OPA1: variants seen among roughly 807,000 people sequenced by gnomAD.
The protein encoded by OPA1 is dynamin-like GTPase OPA1, mitochondrial.
Under a neutral mutation model 152.9 loss-of-function variants are expected in OPA1, and 59 were observed. That is an observed-to-expected ratio of 0.39 (90% CI 0.31 to 0.48). The LOEUF (loss-of-function observed/expected upper bound fraction) is 0.48. OPA1 is among the 20% of genes least tolerant of loss of function. The probability of loss-of-function intolerance (pLI) is 0.96; values close to 1 mark genes in which losing one functional copy is unlikely to be tolerated. For synonymous variants in OPA1, 400 were observed against 389.9 expected (o/e 1.03, Z -0.31); for missense variants, 1,008 against 1,216.8 (o/e 0.83, Z 2.55).
At chr3:193,612,268 CTTTTT>C (rs34283831) in intron 1 of OPA1, among the ~76,000 whole-genome samples, 2 of 116,338 alleles carry the variant, frequency 1.7e-5, no homozygotes, top group East Asian at 4.9e-4. Context: ...GTCTAACTTC[CTTTTT>C]TTTTTTTTTT....
chr3:193,632,923 C>T (rs910243332), intron 8 of OPA1, among the ~76,000 whole-genome samples: 18 of 152,096 alleles, frequency 1.2e-4, no homozygotes, highest in African/African-American at 3.6e-4. Context: ...AAAAGTGAAA[C>T]GACTACAAGT....
intron 8 of OPA1, among the ~76,000 whole-genome samples, chr3:193,634,282 C>CAAA (rs34565427): frequency 3.2e-4 from 47 of 148,630 alleles, no homozygotes; most frequent in South Asian, 6.3e-4. Context: ...CAACTACTTA[C>CAAA]AAAAAAAAAA....
At chr3:193,667,301 T>C in intron 29 of OPA1, 21 bp downstream of exon 29, 1 of 1,005,044 alleles carries the variant, frequency 9.9e-7, no homozygotes, top group East Asian at 2.4e-5. Context: ...CTTACTGCCC[T>C]CTACCTTACT....
chr3:193,645,734 G>A lies in OPA1; in HGVS notation c.1688G>A (p.Ser563Asn), dbSNP rs1440774083. The A allele has an allele frequency of 1.9e-6, 3 of 1,613,556 alleles. No individual in the cohort carries two copies. The highest frequency in any genetic ancestry group is 1.3e-5 in the African/African-American group (1 of 75,034). ...GACCATCATTCTTCCCCAGGGAACAGCTCTGAAAGCATTGAAGCTATAAGA... is the reference window on the plus strand; with the variant it reads ...GACCATCATTCTTCCCCAGGGAACAACTCTGAAAGCATTGAAGCTATAAGA... ...YFAVVTGKGN[S>N]SESIEAIREY... The change falls in exon 18 of 31, where the codon AGC becomes AAC. Residue 563 changes from serine to asparagine, a missense_variant. Ser to Asn is a conservative substitution (Grantham distance 46). Around this residue, in one of 7 missense-constraint regions of OPA1, gnomAD observed 213 missense variants for 291.4 expected, o/e 0.73. Coordinates refer to ENST00000361510, the MANE Select transcript of OPA1 (RefSeq NM_130837.3).
intron 1 of OPA1, among the ~76,000 whole-genome samples, chr3:193,613,004 G>C (rs1217102589): frequency 6.6e-6 from 1 of 152,196 alleles, no homozygotes; most frequent in Non-Finnish European, 1.5e-5. Context: ...AGGTCACCTG[G>C]TGTTCCAGGG....
intron 1 of OPA1, among the ~76,000 whole-genome samples, chr3:193,601,165 T>C (rs1452008164): frequency 1.3e-5 from 2 of 152,124 alleles, no homozygotes; most frequent in East Asian, 3.8e-4. Context: ...TTTCCCAATA[T>C]ACAAATTAGT....
chr3:193,618,543 C>T, intron 5 of OPA1: 1 of 273,374 alleles, frequency 3.7e-6, no homozygotes, highest in South Asian at 4.8e-5. Flanking sequence ...TCTGTAATGC[C>T]AGTGGTATGT....
chr3:193,688,844 G>C (rs1168257724), intron 29 of OPA1, among the ~76,000 whole-genome samples: 1 of 152,092 alleles, frequency 6.6e-6, no homozygotes, highest in Non-Finnish European at 1.5e-5. Context: ...AAATTAGCCA[G>C]GTGTGGTGCT....
chr3:193,614,215 G>A (rs1728684157), intron 1 of OPA1, among the ~76,000 whole-genome samples: 1 of 152,234 alleles, frequency 6.6e-6, no homozygotes, highest in African/African-American at 2.4e-5. Context: ...GGGAGACATA[G>A]ATGAAGGTGT....
chr3:193,665,524 A>G (rs1716331330), intron 27 of OPA1, among the ~76,000 whole-genome samples: 1 of 152,150 alleles, frequency 6.6e-6, no homozygotes, highest in Non-Finnish European at 1.5e-5. Flanking sequence ...AAATAATCAT[A>G]AAGTTCTTGT....
At chr3:193,616,518 C>T (rs1729033263) in intron 3 of OPA1, among the ~76,000 whole-genome samples, 1 of 152,112 alleles carries the variant, frequency 6.6e-6, no homozygotes, top group South Asian at 2.1e-4. Flanking sequence ...TTGCCCAGAG[C>T]ATATTTATTG....
intron 29 of OPA1, among the ~76,000 whole-genome samples, chr3:193,682,577 A>G (rs535497147): frequency 3.1e-4 from 47 of 152,324 alleles, no homozygotes; most frequent in Middle Eastern, 6.8e-3. Context: ...CCAATGCAGC[A>G]GGTGCCTTTA....
At chr3:193,625,999 T>G (rs1577194223) in intron 6 of OPA1, 93 bp from the exon 7 acceptor site, 2 of 930,706 alleles carry the variant, frequency 2.1e-6, no homozygotes, top group East Asian at 4.8e-5. Flanking sequence ...TAACCATCCC[T>G]CCCTAGCTTA....
intron 1 of OPA1, among the ~76,000 whole-genome samples, chr3:193,596,082 C>A (rs999305593): frequency 2.0e-5 from 3 of 152,004 alleles, no homozygotes; most frequent in African/African-American, 7.2e-5. Context: ...TCCTGAATCC[C>A]AGTAGATCCT....
At chr3:193,610,534 G>A (rs1375786587) in intron 1 of OPA1, among the ~76,000 whole-genome samples, 1 of 152,220 alleles carries the variant, frequency 6.6e-6, no homozygotes, top group African/African-American at 2.4e-5. Flanking sequence ...CAAGCTGTGT[G>A]CTGGGAGAAC....
At chr3:193,688,264 A>G (rs1443202507) in intron 29 of OPA1, among the ~76,000 whole-genome samples, 2 of 151,810 alleles carry the variant, frequency 1.3e-5, no homozygotes, top group African/African-American at 4.8e-5. Context: ...TTTTGGGCCC[A>G]TTTTGTACTC....
chr3:193,671,625 C>G (rs1025209575), intron 29 of OPA1, among the ~76,000 whole-genome samples: 1 of 152,076 alleles, frequency 6.6e-6, no homozygotes, highest in Admixed American at 6.5e-5. Flanking sequence ...TGGAAAATAC[C>G]ATTATTCATA....
intron 22 of OPA1, among the ~76,000 whole-genome samples, chr3:193,656,736 A>G (rs1164038302): frequency 6.6e-6 from 1 of 152,234 alleles, no homozygotes; most frequent in African/African-American, 2.4e-5. Flanking sequence ...GGTGTCATGT[A>G]GGAATATGGG....
chr3:193,634,851 C>T (rs1321357722), intron 8 of OPA1, among the ~76,000 whole-genome samples: 2 of 152,206 alleles, frequency 1.3e-5, no homozygotes, highest in East Asian at 1.9e-4. Flanking sequence ...AGATATTCCT[C>T]GCTCTTTATT....
Sources: gnomAD v4.1 joint callset for allele counts (sites outside exome capture counted in the v4.1 genomes callset) on GRCh38, gnomAD v4.1.1 for gene constraint, gnomAD v4.1.1 regional missense constraint, MANE v1.5 for transcripts, NCBI Gene and HGNC (gene_info 2026-07-23, HGNC 2026-07-21) for gene names.